KCNT1: variants seen among roughly 807,000 people sequenced by gnomAD.
The protein encoded by KCNT1 is potassium sodium-activated channel subfamily T member 1.
Under a neutral mutation model 147.8 loss-of-function variants are expected in KCNT1, and 78 were observed. The observed-to-expected ratio is 0.53, with a 90% CI of 0.44 to 0.64. The LOEUF (loss-of-function observed/expected upper bound fraction) is 0.64, where lower values mean the gene tolerates loss of function less well. KCNT1 is among the 30% of genes least tolerant of loss of function. KCNT1 has a pLI of 0.00. For synonymous variants in KCNT1, 867 were observed against 748.8 expected, an observed-to-expected ratio of 1.16 and a Z score of -2.58; for missense variants, 1,419 against 1,750.3, an observed-to-expected ratio of 0.81 and a Z score of 3.38.
intron 29 of KCNT1, among the ~76,000 whole-genome samples, chr9:135,787,316 A>G (rs979771051): frequency 3.9e-5 from 6 of 152,112 alleles, no homozygotes; most frequent in Non-Finnish European, 7.4e-5. Context: ...AGAGAAGCTC[A>G]TCCCCTCCCT....
intron 7 of KCNT1, 99 bp downstream of exon 7, chr9:135,757,031 C>A: frequency 8.9e-7 from 1 of 1,122,474 alleles, no homozygotes; most frequent in Non-Finnish European, 1.3e-6. Context: ...TTTCCCCACA[C>A]TTCCCAGCCT....
At position 135,736,668 on chromosome 9, in the gene KCNT1, G is replaced by A. The variant is rs1588286454; in HGVS notation, c.255-13430G>A. 1.7e-5 allele frequency: 5 copies of A among 291,642 alleles called. 1 individual carries two copies. The East Asian group carries it at 2.2e-4, about 13-fold the overall frequency. The allele number at this position is 291,642 out of a possible 1,614,324, so 18.1% of individuals were successfully genotyped here. A position where few individuals can be genotyped will look rare whatever the true frequency, so the allele number is the denominator to read the frequency against. Reference sequence around the variant, plus strand: ...CCAAGCTGCCGCGCTCGCCGTCCGAGGGCAAGGCGGGCCCGGGGGGCGCCC... The same window carrying A: ...CCAAGCTGCCGCGCTCGCCGTCCGAAGGCAAGGCGGGCCCGGGGGGCGCCC... On this transcript the variant is annotated intron_variant, in intron 2 of 30. Coordinates refer to ENST00000371757, the MANE Select transcript of KCNT1 (RefSeq NM_020822.3).
chr9:135,788,839 C>T (rs1042298870), intron 29 of KCNT1: 1 of 152,648 alleles, frequency 6.6e-6, no homozygotes, highest in African/African-American at 2.4e-5. Context: ...GAGTCCGGGC[C>T]AGGGTGCTCC....
chr9:135,723,339 T>C (rs529691046), intron 2 of KCNT1, among the ~76,000 whole-genome samples: 56 of 152,346 alleles, frequency 3.7e-4, no homozygotes, highest in African/African-American at 1.3e-3. Flanking sequence ...GAAATTGTCC[T>C]GCATCCTGTT....
At chr9:135,773,979 G>A (rs1432147646) in intron 19 of KCNT1, among the ~76,000 whole-genome samples, 3 of 152,216 alleles carry the variant, frequency 2.0e-5, no homozygotes, top group Non-Finnish European at 4.4e-5. Flanking sequence ...AGGCTGTGGT[G>A]GGAGGAGAAA....
rs1016908650 is a variant in KCNT1 at position 135,714,397 on chromosome 9, G to C, written c.111-180G>C. On this transcript the variant is annotated intron_variant, in intron 1 of 30. Coordinates refer to ENST00000371757, the MANE Select transcript of KCNT1 (RefSeq NM_020822.3). This position sits in a 1 kb window ranked among gnomAD's most constrained non-coding sequence, Gnocchi z 6.2. ...GCCCTAGCCCCAGCCCGGCGCAGCC[G>C]GTCCCGCGCGCCCCCGCCCGCATGT... 5 of 167,294 alleles carry C rather than the reference G, an allele frequency of 3.0e-5. No individual in the cohort carries two copies. The highest frequency in any genetic ancestry group is 6.0e-5 in the Non-Finnish European group (5 of 83,806). 10.4% of individuals were successfully genotyped at this position (167,294 alleles called of 1,614,324 possible). A position where few individuals can be genotyped will look rare whatever the true frequency, so the allele number is the denominator to read the frequency against.
In KCNT1 at chr9:135,778,483, G is replaced by T; in HGVS notation, c.2582G>T (p.Gly861Val). 6.4e-7 allele frequency: 1 copy of T among 1,564,954 alleles called. No individual in the cohort carries two copies. The highest frequency in any genetic ancestry group is 8.7e-7 in the Non-Finnish European group (1 of 1,154,456). The change falls in exon 22 of 31, where the codon GGC becomes GTC. Residue 861 changes from glycine (G) to valine (V), a missense_variant. Physicochemically the swap from Gly to Val is moderately radical, Grantham distance 109. Around this residue, in one of 5 missense-constraint regions of KCNT1, gnomAD observed 247 missense variants for 397.1 expected, o/e 0.62. Coordinates refer to ENST00000371757, the MANE Select transcript of KCNT1 (RefSeq NM_020822.3). Reference protein sequence around the residue: ...CCFPMVYYMEGSVDNLDSLLQ... With the variant: ...CCFPMVYYMEVSVDNLDSLLQ... ...TTCCCCATGGTCTACTACATGGAGG[G>T]CTCTGTGGACAAGTAAGGCGTGGCC...
chr9:135,770,483 AG>A, intron 17 of KCNT1, 36 bp downstream of exon 17: 1 of 1,587,024 alleles, frequency 6.3e-7, no homozygotes, highest in Non-Finnish European at 8.6e-7. Flanking sequence ...CTGGCGCTCC[AG>A]GGCTGCTCTG....
At chr9:135,764,901 A>T in intron 11 of KCNT1, 130 bp from the exon 12 acceptor site, 1 of 843,530 alleles carries the variant, frequency 1.2e-6, no homozygotes, top group Non-Finnish European at 1.8e-6. Context: ...CCCCTAATGT[A>T]GGTGTCACCC....
chr9:135,766,646 ATTGTCTGGGGTAGACTG>A (rs1283743373), intron 13 of KCNT1: 12 of 152,922 alleles, frequency 7.8e-5, no homozygotes, highest in African/African-American at 2.9e-4. Context: ...TCTGGGGTGG[ATTGTCTGGGGTAGACTG>A]TCCGGGGCCT....
intron 23 of KCNT1, 111 bp from the exon 24 acceptor site, chr9:135,779,248 C>A: frequency 1.5e-6 from 1 of 664,774 alleles, no homozygotes. Flanking sequence ...GACCCCCCCA[C>A]AGCCATGGGA....
intron 20 of KCNT1, among the ~76,000 whole-genome samples, chr9:135,776,926 A>C (rs1489344812): frequency 6.6e-6 from 1 of 152,240 alleles, no homozygotes; most frequent in Non-Finnish European, 1.5e-5. Context: ...CACTTCTCCA[A>C]GGAACCCTGA....
chr9:135,729,605 C>T (rs977852589), intron 2 of KCNT1, among the ~76,000 whole-genome samples: 1 of 152,186 alleles, frequency 6.6e-6, no homozygotes, highest in Non-Finnish European at 1.5e-5. Context: ...TGGTTCGTTA[C>T]GCAACAGAGG....
chr9:135,708,123 C>A (rs879746426), intron 1 of KCNT1, among the ~76,000 whole-genome samples: 1 of 152,230 alleles, frequency 6.6e-6, no homozygotes, highest in African/African-American at 2.4e-5. Flanking sequence ...CACTCAGACA[C>A]CCCCACCACA....
At chr9:135,735,617 C>T (rs576436164) in intron 2 of KCNT1, among the ~76,000 whole-genome samples, 7 of 152,246 alleles carry the variant, frequency 4.6e-5, no homozygotes, top group Non-Finnish European at 1.0e-4. Context: ...GGCCCACTCC[C>T]TGGAGTTGGT....
At chr9:135,731,810 C>T (rs1046371597) in intron 2 of KCNT1, among the ~76,000 whole-genome samples, 6 of 151,582 alleles carry the variant, frequency 4.0e-5, no homozygotes, top group African/African-American at 1.5e-4. Context: ...GTCTTGTGCA[C>T]CTGCAGAATC....
intron 24 of KCNT1, among the ~76,000 whole-genome samples, chr9:135,780,735 T>C (rs1036946926): frequency 6.6e-6 from 1 of 152,052 alleles, no homozygotes; most frequent in African/African-American, 2.4e-5. Context: ...AGTCCCCGGC[T>C]CAGCCGGCAG....
intron 9 of KCNT1, 38 bp downstream of exon 9, chr9:135,757,419 G>A (rs959241224): frequency 1.4e-5 from 22 of 1,575,064 alleles, no homozygotes; most frequent in African/African-American, 1.1e-4. Flanking sequence ...GACTTGGGGG[G>A]GCCACCCTCA....
At chr9:135,777,974 C>CTCCTCCCTGCTCT (rs1317059690) in intron 21 of KCNT1, among the ~76,000 whole-genome samples, 1 of 95,412 alleles carries the variant, frequency 1.0e-5, no homozygotes. Context: ...CCTCTGTCTC[C>CTCCTCCCTGCTCT]CAGCTCCTCC....
Sources: gnomAD v4.1 joint callset for allele counts (sites outside exome capture counted in the v4.1 genomes callset) on GRCh38, gnomAD v4.1.1 for gene constraint, gnomAD v4.1.1 regional missense constraint, Gnocchi (gnomAD v3.1) non-coding constraint, MANE v1.5 for transcripts, NCBI Gene and HGNC (gene_info 2026-07-23, HGNC 2026-07-21) for gene names.